Variants in ZFAND5 observed in about 807,000 individuals in gnomAD.
ZFAND5 encodes the protein AN1-type zinc finger protein 5.
Under a neutral mutation model 23.6 loss-of-function variants are expected in ZFAND5, and 4 were observed. That is an observed-to-expected ratio of 0.17 (90% CI 0.08 to 0.39). ZFAND5 has a LOEUF of 0.39. ZFAND5 is among the 10% of genes least tolerant of loss of function. The probability of loss-of-function intolerance (pLI) is 1.00; values close to 1 mark genes in which losing one functional copy is unlikely to be tolerated. For missense variants in ZFAND5, 161 were observed against 253.7 expected (o/e 0.63, Z 2.48); for synonymous variants, 68 against 80.6 (o/e 0.84, Z 0.84).
chr9:72,356,695 CA>C (rs1347865404), intron 6 of ZFAND5, among the ~76,000 whole-genome samples: 1 of 152,084 alleles, frequency 6.6e-6, no homozygotes, highest in African/African-American at 2.4e-5. Context: ...AACTTTTTAT[CA>C]ATCTAATAAA....
Position 72,355,769 on chromosome 9 carries a change from G to A in ZFAND5, c.*184C>T, listed in dbSNP as rs866368465. On this transcript the variant is annotated 3_prime_UTR_variant, in exon 7 of 7. Transcript: ENST00000376962. ...GGAGGGCATATACATTTGTAGGGCT[G>A]TATCTATCCAATTCTGCCTGTAACA... 1.8e-6 allele frequency: 1 copy of A among 552,170 alleles called. No homozygotes were observed. Among genetic ancestry groups the A allele is most frequent in the South Asian group, 2.9e-5 (1 of 33,988 alleles). The allele number at this position is 552,170 out of a possible 1,614,324, so 34.2% of individuals were successfully genotyped here.
rs1841845812 is a variant in ZFAND5 at position 72,353,653 on chromosome 9, A to G, written c.*2300T>C. ...TACGCCATTGCACTGCAGCCTGGCCAAACAAAAATCTATCTCTTGCTACTA... is the reference window on the plus strand; with the variant it reads ...TACGCCATTGCACTGCAGCCTGGCCGAACAAAAATCTATCTCTTGCTACTA... On this transcript the variant is annotated 3_prime_UTR_variant, in exon 7 of 7. Coordinates refer to ENST00000376962, the MANE Select transcript of ZFAND5 (RefSeq NM_001102420.3). The G allele has an allele frequency of 4.7e-5, 1 of 21,374 alleles. No homozygotes were observed. The allele number at this position is 21,374 out of a possible 1,614,324, so 1.3% of individuals were successfully genotyped here. A position where few individuals can be genotyped will look rare whatever the true frequency, so the allele number is the denominator to read the frequency against.
At chr9:72,359,168 G>T (rs1842025644) in intron 5 of ZFAND5, among the ~76,000 whole-genome samples, 1 of 152,114 alleles carries the variant, frequency 6.6e-6, no homozygotes, top group African/African-American at 2.4e-5. Context: ...CCAGATTACA[G>T]ACTTTGCCCA....
intron 4 of ZFAND5, 69 bp from the exon 5 acceptor site, chr9:72,359,590 C>T: frequency 2.2e-6 from 3 of 1,351,700 alleles, no homozygotes; most frequent in Middle Eastern, 1.8e-4. Context: ...AATAAGTTGT[C>T]AGTTCAACTT....
At chr9:72,360,318 G>A (rs1187259606) in intron 3 of ZFAND5, 97 bp from the exon 4 acceptor site, 2 of 1,078,218 alleles carry the variant, frequency 1.9e-6, no homozygotes, top group Non-Finnish European at 2.8e-6. Context: ...AATTAGGTTA[G>A]TGATATAAGC....
intron 2 of ZFAND5, among the ~76,000 whole-genome samples, chr9:72,362,256 G>A (rs553914875): frequency 6.6e-6 from 1 of 152,182 alleles, no homozygotes; most frequent in South Asian, 2.1e-4. Context: ...CATCACTTAG[G>A]AAGTTTATTA....
At position 72,355,925 on chromosome 9, in the gene ZFAND5, A is replaced by G; in HGVS notation, c.*28T>C. The G allele has an allele frequency of 6.4e-7, 1 of 1,571,400 alleles. No individual in the cohort carries two copies. Among genetic ancestry groups the G allele is most frequent in the Non-Finnish European group, 8.6e-7 (1 of 1,161,658 alleles). On this transcript the variant is annotated 3_prime_UTR_variant, in exon 7 of 7. Transcript: ENST00000376962. ...CCTACGATATATTAAAATAAAAACAAAGTTTCAGTCTCTTCACAAGAAGTA... is the reference window on the plus strand; with the variant it reads ...CCTACGATATATTAAAATAAAAACAGAGTTTCAGTCTCTTCACAAGAAGTA...
intron 1 of ZFAND5, 192 bp downstream of exon 1, chr9:72,364,504 G>C (rs1220076160): frequency 7.8e-7 from 1 of 1,281,440 alleles, no homozygotes; most frequent in Non-Finnish European, 1.0e-6. Context: ...CCAGGTCTCG[G>C]GCCACGACGA....
rs1246081459 is a variant in ZFAND5, at chr9:72,354,155, G to A, written c.*1798C>T. 6.6e-6 allele frequency: 1 copy of A among 152,152 alleles called. No individual in the cohort carries two copies. Among genetic ancestry groups the A allele is most frequent in the Admixed American group, 6.5e-5 (1 of 15,272 alleles). The allele number at this position is 152,152 out of a possible 1,614,324, so 9.4% of individuals were successfully genotyped here. ...TAAGTCATACCTACTTTCTTCTTCAGAATTGTCATAAAACATCATCTTTTA... is the reference window on the plus strand; with the variant it reads ...TAAGTCATACCTACTTTCTTCTTCAAAATTGTCATAAAACATCATCTTTTA... On this transcript the variant is annotated 3_prime_UTR_variant, in exon 7 of 7. Transcript: ENST00000376962.
At position 72,355,226 on chromosome 9, in the gene ZFAND5, T is replaced by C. The variant is rs1841908746; in HGVS notation, c.*727A>G. On this transcript the variant is annotated 3_prime_UTR_variant, in exon 7 of 7. Transcript: ENST00000376962. Reference sequence around the variant, plus strand: ...AATTAATCCTAGTGCAGTTCTGTGCTACACATTTTTAGCAATGAGTAATGC... The same window carrying C: ...AATTAATCCTAGTGCAGTTCTGTGCCACACATTTTTAGCAATGAGTAATGC... 6.5e-6 allele frequency: 1 copy of C among 152,682 alleles called. No homozygotes were observed. The highest frequency in any genetic ancestry group is 1.5e-5 in the Non-Finnish European group (1 of 68,054). 9.5% of individuals were successfully genotyped at this position (152,682 alleles called of 1,614,324 possible).
chr9:72,361,688 C>T (rs1043673536), intron 2 of ZFAND5, among the ~76,000 whole-genome samples: 2 of 152,122 alleles, frequency 1.3e-5, no homozygotes, highest in African/African-American at 4.8e-5. Context: ...CATTTGTTTC[C>T]AAGGAAGATT....
intron 5 of ZFAND5, among the ~76,000 whole-genome samples, chr9:72,358,187 C>T (rs1425618426): frequency 6.6e-6 from 1 of 152,066 alleles, no homozygotes; most frequent in Non-Finnish European, 1.5e-5. Flanking sequence ...AATGAATCTA[C>T]TGGGAGAAAT....
Position 72,364,940 on chromosome 9 carries a change from G to C in ZFAND5, c.-391C>G, listed in dbSNP as rs1842223316. ...GAAGTGGGAGGAGGGAAGCGAGGGG[G>C]GGCCGAGGAGGAGGTGGAGGGAGGA... is the stretch of plus-strand genomic sequence containing the variant. On this transcript the variant is annotated 5_prime_UTR_variant, in exon 1 of 7. Coordinates refer to ENST00000376962, the MANE Select transcript of ZFAND5 (RefSeq NM_001102420.3). 6.5e-6 allele frequency: 1 copy of C among 153,290 alleles called. No individual in the cohort carries two copies. The highest frequency in any genetic ancestry group is 1.5e-5 in the Non-Finnish European group (1 of 68,902). 9.5% of individuals were successfully genotyped at this position (153,290 alleles called of 1,614,324 possible). A position where few individuals can be genotyped will look rare whatever the true frequency, so the allele number is the denominator to read the frequency against.
chr9:72,356,117 A>T lies in ZFAND5; in HGVS notation c.494-16T>A. On this transcript the variant is annotated splice_polypyrimidine_tract_variant and intron_variant, in intron 6 of 6. Coordinates refer to ENST00000376962, the MANE Select transcript of ZFAND5 (RefSeq NM_001102420.3). ...CAGTCAAACCCTGTACAAACGAAGA[A>T]GTAGAGTCATTTGAGAACTTGAGGC... is the stretch of plus-strand genomic sequence containing the variant. 6.3e-7 allele frequency: 1 copy of T among 1,595,086 alleles called. No individual in the cohort carries two copies. The highest frequency in any genetic ancestry group is 8.5e-7 in the Non-Finnish European group (1 of 1,175,636).
rs766841527 is a variant in ZFAND5, at chr9:72,364,559, G to GCTCCC, written c.-147+132_-147+136dup. On this transcript the variant is annotated intron_variant, in intron 1 of 6. Coordinates refer to ENST00000376962, the MANE Select transcript of ZFAND5 (RefSeq NM_001102420.3). ...TTGTGCTTCCTGGGCTGGCGGGCGG[G>GCTCCC]CTCCCCTCCCCCGGACGCCGCCATC... 1.3e-3 allele frequency: 1,606 copies of GCTCCC among 1,270,136 alleles called. 1 individual carries two copies. Among genetic ancestry groups the GCTCCC allele is most frequent in the Non-Finnish European group, 1.5e-3 (1,470 of 978,358 alleles). 78.7% of individuals were successfully genotyped at this position (1,270,136 alleles called of 1,614,324 possible).
At chr9:72,356,908 C>T (rs1456910410) in intron 6 of ZFAND5, 23 bp downstream of exon 6, 2 of 1,608,766 alleles carry the variant, frequency 1.2e-6, no homozygotes, top group Admixed American at 3.3e-5. Context: ...GTAAAACATA[C>T]ATTGTCTTGT....
Position 72,354,716 on chromosome 9 carries a change from CACA to C in ZFAND5, c.*1234_*1236del, listed in dbSNP as rs1372058746. 3 of 152,494 alleles carry C rather than the reference CACA, an allele frequency of 2.0e-5. No homozygotes were observed. The highest frequency in any genetic ancestry group is 6.5e-5 in the Admixed American group (1 of 15,268). 9.4% of individuals were successfully genotyped at this position (152,494 alleles called of 1,614,324 possible). A position where few individuals can be genotyped will look rare whatever the true frequency, so the allele number is the denominator to read the frequency against. On this transcript the variant is annotated 3_prime_UTR_variant, in exon 7 of 7. Transcript: ENST00000376962. ...ATTTACAGATGAAAACAGGCATTAC[CACA>C]ACACTAACTATACTCATTTATATAT...
Position 72,365,039 on chromosome 9 carries a change from T to TGGGCGGACGAGGAGGGC in ZFAND5, c.-507_-491dup, listed in dbSNP as rs1842226983. 6.6e-6 allele frequency: 1 copy of TGGGCGGACGAGGAGGGC among 152,026 alleles called. No homozygotes were observed. Among genetic ancestry groups the TGGGCGGACGAGGAGGGC allele is most frequent in the Non-Finnish European group, 1.5e-5 (1 of 68,028 alleles). The allele number at this position is 152,026 out of a possible 1,614,324, so 9.4% of individuals were successfully genotyped here. A position where few individuals can be genotyped will look rare whatever the true frequency, so the allele number is the denominator to read the frequency against. ...CCTCACGCCTCCACAGGCCGCAGGT[T>TGGGCGGACGAGGAGGGC]GGGCGGACGAGGAGGGCGAGCGGAC... On this transcript the variant is annotated 5_prime_UTR_variant, in exon 1 of 7. Transcript: ENST00000376962.
At position 72,356,106 on chromosome 9, in the gene ZFAND5, AC is replaced by A; in HGVS notation, c.494-6del. The A allele has an allele frequency of 1.2e-6, 2 of 1,605,520 alleles. No individual in the cohort carries two copies. The highest frequency in any genetic ancestry group is 2.3e-5 in the South Asian group (2 of 88,794). On this transcript the variant is annotated splice_polypyrimidine_tract_variant and splice_region_variant and intron_variant, in intron 6 of 6. Coordinates refer to ENST00000376962, the MANE Select transcript of ZFAND5 (RefSeq NM_001102420.3). Reference sequence around the variant, plus strand: ...TTCCACATCGGCAGTCAAACCCTGTACAAACGAAGAAGTAGAGTCATTTGAG... The same window carrying A: ...TTCCACATCGGCAGTCAAACCCTGTAAAACGAAGAAGTAGAGTCATTTGAG...
Sources: allele counts gnomAD v4.1 joint callset (sites outside exome capture counted in the v4.1 genomes callset), GRCh38; gene constraint gnomAD v4.1.1; transcripts MANE v1.5; gene names NCBI Gene and HGNC (gene_info 2026-07-23, HGNC 2026-07-21).